The following EMX1 variants were observed in gnomAD, a reference collection of about 807,000 sequenced individuals.
EMX1 encodes the protein homeobox protein EMX1.
EMX1 carries 10 observed loss-of-function variants against 20.1 expected under a neutral mutation model. The ratio of observed to expected loss-of-function variants is 0.50; its 90% confidence interval spans 0.31 to 0.84. The LOEUF is 0.84. EMX1 is among the 40% of genes least tolerant of loss of function. The probability of loss-of-function intolerance (pLI) is 0.05; values close to 1 mark genes in which losing one functional copy is unlikely to be tolerated. For synonymous variants in EMX1, 250 were observed against 200.4 expected, an observed-to-expected ratio of 1.25 and a Z score of -2.09; for missense variants, 424 against 431.9, an observed-to-expected ratio of 0.98 and a Z score of 0.16.
chr2:72,927,297 G>A (rs752610300), intron 2 of EMX1, among the ~76,000 whole-genome samples: 1 of 152,174 alleles, frequency 6.6e-6, no homozygotes, highest in African/African-American at 2.4e-5. Flanking sequence ...TCATATGTCT[G>A]GTAATGGTTA....
chr2:72,920,461 A>C (rs996088197), intron 1 of EMX1, among the ~76,000 whole-genome samples: 9 of 152,134 alleles, frequency 5.9e-5, no homozygotes, highest in Non-Finnish European at 1.2e-4. Context: ...TTCGCGGTCC[A>C]TCGTCGCCGC....
intron 2 of EMX1, chr2:72,925,795 T>C (rs1671191268): frequency 1.5e-5 from 15 of 985,306 alleles, no homozygotes; most frequent in African/African-American, 1.7e-5. Flanking sequence ...CAGTGGCATT[T>C]TGGCATCTAT....
At chr2:72,925,781 CCTT>C in intron 2 of EMX1, 1 of 985,428 alleles carries the variant, frequency 1.0e-6, no homozygotes, top group Non-Finnish European at 1.2e-6. Flanking sequence ...ACCCTCTCCT[CCTT>C]CAGTGGCATT....
chr2:72,916,933 G>A, upstream of EMX1: 3 of 717,394 alleles, frequency 4.2e-6, no homozygotes, highest in South Asian at 4.4e-5. Context: ...CTCCCGCGCA[G>A]TGCCCCGCCT....
upstream of EMX1, chr2:72,917,176 T>A: frequency 3.3e-6 from 2 of 608,804 alleles, no homozygotes; most frequent in Non-Finnish European, 6.0e-6. Flanking sequence ...CTCTGAGAAC[T>A]GAAACGACAT....
At chr2:72,933,594 C>G in intron 2 of EMX1, 193 bp from the exon 3 acceptor site, 1 of 628,984 alleles carries the variant, frequency 1.6e-6, no homozygotes, top group Admixed American at 3.0e-5. Flanking sequence ...CTCTTCCTGC[C>G]CTGCCATCCC....
intron 2 of EMX1, chr2:72,925,625 C>G: frequency 8.2e-7 from 1 of 1,217,674 alleles, no homozygotes; most frequent in Non-Finnish European, 1.1e-6. Context: ...CCTACTACAC[C>G]ACCGTCCCCT....
chr2:72,929,992 T>C (rs913458116), intron 2 of EMX1, among the ~76,000 whole-genome samples: 1 of 152,208 alleles, frequency 6.6e-6, no homozygotes, highest in Non-Finnish European at 1.5e-5. Flanking sequence ...ATGTGGAATA[T>C]TAAAAACTGG....
intron 2 of EMX1, among the ~76,000 whole-genome samples, chr2:72,932,077 G>A (rs563285283): frequency 2.6e-4 from 39 of 152,330 alleles, no homozygotes; most frequent in South Asian, 6.2e-4. Context: ...CAGTTCTCTG[G>A]GAGCAGGAGC....
chr2:72,916,796 G>C (rs565606061), upstream of EMX1: 1 of 717,340 alleles, frequency 1.4e-6, no homozygotes. Context: ...AGGCGAGGGG[G>C]TGGATCTCCC....
chr2:72,932,721 C>G (rs887243689), intron 2 of EMX1, among the ~76,000 whole-genome samples: 1 of 152,216 alleles, frequency 6.6e-6, no homozygotes, highest in Non-Finnish European at 1.5e-5. Context: ...CCTCATGCCT[C>G]CTCCATCATG....
intron 1 of EMX1, among the ~76,000 whole-genome samples, chr2:72,919,069 A>G (rs1383132456): frequency 1.3e-5 from 2 of 152,094 alleles, no homozygotes; most frequent in Non-Finnish European, 2.9e-5. Flanking sequence ...TACCGAGGAC[A>G]GTTTTCCCGG....
chr2:72,926,152 C>T (rs1671197086), intron 2 of EMX1: 3 of 985,250 alleles, frequency 3.0e-6, no homozygotes, highest in Non-Finnish European at 3.6e-6. Flanking sequence ...ATCCTACCAC[C>T]CACAGATTAA....
intron 2 of EMX1, among the ~76,000 whole-genome samples, chr2:72,929,939 T>A (rs1671257135): frequency 1.3e-5 from 2 of 152,194 alleles, no homozygotes; most frequent in Admixed American, 1.3e-4. Context: ...GCAGTAGGTG[T>A]CCCTCCTCCA....
At chr2:72,927,260 C>T (rs932568560) in intron 2 of EMX1, among the ~76,000 whole-genome samples, 1 of 152,242 alleles carries the variant, frequency 6.6e-6, no homozygotes, top group Non-Finnish European at 1.5e-5. Context: ...CTCCATAGAG[C>T]TATTTCGCAA....
At position 72,933,816 on chromosome 2, in the gene EMX1, A is replaced by C. The variant is rs1377505175; in HGVS notation, c.735A>C (p.Thr245=). Residue 245 remains threonine, a synonymous_variant, in exon 3 of 3, where the codon ACA becomes ACC. Coordinates refer to ENST00000258106, the MANE Select transcript of EMX1 (RefSeq NM_004097.3). ...QVKVWFQNRR[T]KYKRQKLEEE... ...AGGTGTGGTTCCAGAACCGGAGGAC[A>C]AAGTACAAACGGCAGAAGCTGGAGG... The C allele has an allele frequency of 1.1e-5, 17 of 1,614,184 alleles. No homozygotes were observed. Among genetic ancestry groups the C allele is most frequent in the South Asian group, 3.3e-5 (3 of 91,072 alleles).
At chr2:72,918,814 G>A (rs1187114461) in intron 1 of EMX1, among the ~76,000 whole-genome samples, 1 of 152,220 alleles carries the variant, frequency 6.6e-6, no homozygotes, top group East Asian at 1.9e-4. Context: ...GCGCGTCCGG[G>A]CGGGGGAAAG....
At chr2:72,926,982 A>G (rs931355499) in intron 2 of EMX1, among the ~76,000 whole-genome samples, 10 of 151,852 alleles carry the variant, frequency 6.6e-5, no homozygotes, top group Non-Finnish European at 1.2e-4. Flanking sequence ...GTCACCCCCA[A>G]CAGCCCCCCT....
In EMX1 at chr2:72,917,812, AGCGG is replaced by A. The variant is rs775681347; in HGVS notation, c.-31_-28del. 4.7e-6 allele frequency: 6 copies of A among 1,272,148 alleles called. No homozygotes were observed. The highest frequency in any genetic ancestry group is 4.0e-6 in the Non-Finnish European group (4 of 1,012,450). The allele number at this position is 1,272,148 out of a possible 1,614,324, so 78.8% of individuals were successfully genotyped here. On this transcript the variant is annotated 5_prime_UTR_variant, in exon 1 of 3. Coordinates refer to ENST00000258106, the MANE Select transcript of EMX1 (RefSeq NM_004097.3). ...GGCTCGCCCGCGGGGGCCGAGCGCG[AGCGG>A]GCGGGCGGGGGAGGTGAGGGGTGCG... is the stretch of plus-strand genomic sequence containing the variant.
Sources: gnomAD v4.1 joint callset for allele counts (sites outside exome capture counted in the v4.1 genomes callset) on GRCh38, gnomAD v4.1.1 for gene constraint, MANE v1.5 for transcripts, NCBI Gene and HGNC (gene_info 2026-07-23, HGNC 2026-07-21) for gene names.